The following SULT1B1 variants were observed in gnomAD, a reference collection of about 807,000 sequenced individuals.
The protein encoded by SULT1B1 is sulfotransferase 1B1.
SULT1B1 carries 28 observed loss-of-function variants against 34.6 expected under a neutral mutation model. That is an observed-to-expected ratio of 0.81 (90% CI 0.60 to 1.11). The LOEUF (loss-of-function observed/expected upper bound fraction) is 1.11. SULT1B1 is among the 50% of genes least tolerant of loss of function. The probability of loss-of-function intolerance (pLI) is 0.00; values close to 1 mark genes in which losing one functional copy is unlikely to be tolerated. For missense variants in SULT1B1, 374 were observed against 352.2 expected (o/e 1.06, Z -0.50); for synonymous variants, 147 against 110.2 (o/e 1.33, Z -2.09).
intron 4 of SULT1B1, among the ~76,000 whole-genome samples, chr4:69,749,244 A>G (rs574605977): frequency 5.3e-5 from 8 of 152,256 alleles, no homozygotes; most frequent in African/African-American, 1.9e-4. Context: ...TCAACAACTT[A>G]GAAAAGTTTC....
At position 69,723,443 on chromosome 4, in the gene SULT1B1, G is replaced by A. The variant is rs1358273776; in HGVS notation, c.*3645C>T. On this transcript the variant is annotated 3_prime_UTR_variant, in exon 8 of 8. Transcript: ENST00000310613. ...AGATTCACAGCTGAATTCTACCAGA[G>A]GTCCAAGGAGGAGCTGGTACCATTC... The A allele has an allele frequency of 6.6e-6, 1 of 152,190 alleles. No individual in the cohort carries two copies. Among genetic ancestry groups the A allele is most frequent in the Non-Finnish European group, 1.5e-5 (1 of 68,086 alleles). 9.4% of individuals were successfully genotyped at this position (152,190 alleles called of 1,614,324 possible).
intron 4 of SULT1B1, among the ~76,000 whole-genome samples, chr4:69,745,401 A>T (rs1604741): frequency 1.3e-5 from 2 of 152,078 alleles, no homozygotes; most frequent in South Asian, 2.1e-4. Flanking sequence ...TTGGATGCAT[A>T]TGTATTTAGA....
chr4:69,737,500 A>G (rs1718364288), intron 4 of SULT1B1, among the ~76,000 whole-genome samples: 1 of 152,206 alleles, frequency 6.6e-6, no homozygotes, highest in African/African-American at 2.4e-5. Context: ...TTGAGGCAAA[A>G]GTTACATTAT....
chr4:69,746,751 T>C (rs1424804089), intron 4 of SULT1B1, among the ~76,000 whole-genome samples: 1 of 152,218 alleles, frequency 6.6e-6, no homozygotes, highest in Non-Finnish European at 1.5e-5. Flanking sequence ...TTAGGTCATT[T>C]GCAGGCAAAA....
intron 1 of SULT1B1, chr4:69,758,363 A>G: frequency 3.0e-6 from 3 of 985,430 alleles, no homozygotes; most frequent in Non-Finnish European, 2.4e-6. Context: ...TAAAGGAATC[A>G]GAGTCCACAG....
rs1055068749 is a variant in SULT1B1, at chr4:69,723,277, G to T, written c.*3811C>A. The T allele has an allele frequency of 1.3e-5, 2 of 152,110 alleles. No individual in the cohort carries two copies. Among genetic ancestry groups the T allele is most frequent in the African/African-American group, 4.8e-5 (2 of 41,418 alleles). 9.4% of individuals were successfully genotyped at this position (152,110 alleles called of 1,614,324 possible). A position where few individuals can be genotyped will look rare whatever the true frequency, so the allele number is the denominator to read the frequency against. ...CGCAAATAAACTAGAAAATCTAGAA[G>T]AAATGGATAAATTCCTCGACACATA... On this transcript the variant is annotated 3_prime_UTR_variant, in exon 8 of 8. Coordinates refer to ENST00000310613, the MANE Select transcript of SULT1B1 (RefSeq NM_014465.4).
At chr4:69,727,325 C>T in intron 7 of SULT1B1, 125 bp from the exon 8 acceptor site, 3 of 586,914 alleles carry the variant, frequency 5.1e-6, no homozygotes, top group Non-Finnish European at 5.3e-6. Context: ...TGAATTCAAA[C>T]AGTCTTTAAA....
intron 4 of SULT1B1, among the ~76,000 whole-genome samples, chr4:69,741,399 C>CT (rs1718543615): frequency 2.0e-5 from 3 of 151,976 alleles, no homozygotes; most frequent in African/African-American, 7.2e-5. Flanking sequence ...TTTAAAATAG[C>CT]TTTTTTTCTA....
At position 69,749,728 on chromosome 4, in the gene SULT1B1, T is replaced by C. The variant is rs772804709; in HGVS notation, c.368A>G (p.Asn123Ser). Residue 123 changes from asparagine (N) to serine (S), a missense_variant, in exon 4 of 8, where the codon AAT becomes AGT. Physicochemically the swap from Asn to Ser is conservative, Grantham distance 46 (BLOSUM62 1). Transcript: ENST00000310613. Reference sequence around the variant, plus strand: ...ATGGAGTCTGGAGTATACCTTGCAATTGTTTTCCCAGAAAGATTTAGGAAG... The same window carrying C: ...ATGGAGTCTGGAGTATACCTTGCAACTGTTTTCCCAGAAAGATTTAGGAAG... ...DLLPKSFWENNCKMIYLARNA... is the reference protein window; with the variant it reads ...DLLPKSFWENSCKMIYLARNA... 1.2e-5 allele frequency: 19 copies of C among 1,612,790 alleles called. No individual in the cohort carries two copies. The East Asian group carries it at 3.1e-4, about 27-fold the overall frequency.
chr4:69,754,938 A>G, intron 2 of SULT1B1, 132 bp downstream of exon 2: 2 of 1,208,854 alleles, frequency 1.7e-6, no homozygotes, highest in Non-Finnish European at 2.4e-6. Flanking sequence ...GCCAATTTTA[A>G]TATACTAAAA....
At chr4:69,749,691 TA>T (rs1417269823) in intron 4 of SULT1B1, 29 bp downstream of exon 4, 1 of 1,542,444 alleles carries the variant, frequency 6.5e-7, no homozygotes, top group Non-Finnish European at 9.0e-7. Context: ...AGGGCCATAC[TA>T]AAAAACTGAC....
At chr4:69,728,246 T>G (rs1560518713) in intron 7 of SULT1B1, among the ~76,000 whole-genome samples, 2 of 152,056 alleles carry the variant, frequency 1.3e-5, no homozygotes, top group Non-Finnish European at 2.9e-5. Flanking sequence ...GCATATAAAT[T>G]TTATAATATA....
chr4:69,748,193 T>C (rs1279968539), intron 4 of SULT1B1, among the ~76,000 whole-genome samples: 2 of 152,124 alleles, frequency 1.3e-5, no homozygotes, highest in African/African-American at 2.4e-5. Flanking sequence ...GCAAAAAATA[T>C]ATGTAATGCA....
At chr4:69,745,994 G>A (rs1407794053) in intron 4 of SULT1B1, among the ~76,000 whole-genome samples, 1 of 152,088 alleles carries the variant, frequency 6.6e-6, no homozygotes, top group Non-Finnish European at 1.5e-5. Flanking sequence ...GACATTCTTG[G>A]TTGGAATTTC....
At chr4:69,736,312 A>C (rs1056522524) in intron 4 of SULT1B1, among the ~76,000 whole-genome samples, 45 of 152,220 alleles carry the variant, frequency 3.0e-4, no homozygotes, top group Non-Finnish European at 5.4e-4. Flanking sequence ...TAGTGCTGAG[A>C]TGGCCTCAGA....
At chr4:69,743,041 A>G (rs992771461) in intron 4 of SULT1B1, among the ~76,000 whole-genome samples, 1 of 152,200 alleles carries the variant, frequency 6.6e-6, no homozygotes. Context: ...GGGAGCTCCT[A>G]GGTTTGGGCT....
At chr4:69,733,167 A>G (rs1462539938) in intron 6 of SULT1B1, among the ~76,000 whole-genome samples, 1 of 152,178 alleles carries the variant, frequency 6.6e-6, no homozygotes, top group Admixed American at 6.5e-5. Flanking sequence ...AATATAGGAA[A>G]TAATTGCAGA....
At chr4:69,757,086 T>A (rs943329895) in intron 1 of SULT1B1, among the ~76,000 whole-genome samples, 3 of 152,116 alleles carry the variant, frequency 2.0e-5, no homozygotes, top group African/African-American at 7.2e-5. Context: ...TACTTATTAT[T>A]TATTTTTTCC....
chr4:69,730,622 CTCA>C lies in SULT1B1; in HGVS notation c.654_656del (p.Asp218del), dbSNP rs1718041350. 1.2e-6 allele frequency: 2 copies of C among 1,613,240 alleles called. No individual in the cohort carries two copies. The highest frequency in any genetic ancestry group is 2.7e-5 in the African/African-American group (2 of 75,020). On this transcript the variant is annotated inframe_deletion, in exon 7 of 8. Transcript: ENST00000310613. ...TGTGATGGATGATCCTATCCAAGAT[CTCA>C]TCATTCAGGTTCTTCTCTAGAAATC...
Sources: allele counts gnomAD v4.1 joint callset (sites outside exome capture counted in the v4.1 genomes callset), GRCh38; gene constraint gnomAD v4.1.1; transcripts MANE v1.5; gene names NCBI Gene and HGNC (gene_info 2026-07-23, HGNC 2026-07-21).